KCND3: variants seen among roughly 807,000 people sequenced by gnomAD.
KCND3 encodes the protein potassium voltage-gated channel subfamily D member 3, also known as A-type voltage-gated potassium channel KCND3.
Under a neutral mutation model 51.1 loss-of-function variants are expected in KCND3, and 9 were observed. That is an observed-to-expected ratio of 0.18 (90% CI 0.11 to 0.31). The LOEUF (loss-of-function observed/expected upper bound fraction) is 0.31, where lower values mean the gene tolerates loss of function less well. Ranked by LOEUF, KCND3 falls within the 10% of genes least tolerant of loss-of-function variation. The pLI, the probability that KCND3 is intolerant of heterozygous loss-of-function variation, is 1.00. For missense variants in KCND3, 526 were observed against 903.8 expected (o/e 0.58, Z 5.36); for synonymous variants, 349 against 368.0 (o/e 0.95, Z 0.59).
chr1:111,953,810 C>T (rs1673179912), intron 2 of KCND3, among the ~76,000 whole-genome samples: 1 of 152,234 alleles, frequency 6.6e-6, no homozygotes, highest in Non-Finnish European at 1.5e-5. Context: ...GCTCTCCTCT[C>T]CCTGCCTGCC....
Position 111,866,881 on chromosome 1 carries a change from A to G in KCND3, c.1107-79775T>C, listed in dbSNP as rs188351372. 1.8e-3 allele frequency among the ~76,000 whole-genome samples: 270 copies of G among 152,320 alleles called. 4 individuals carry two copies. Among genetic ancestry groups the G allele is most frequent in the Admixed American group, 2.4e-3 (36 of 15,306 alleles). On this transcript the variant is annotated intron_variant, in intron 2 of 7. Transcript: ENST00000302127. ...CTAGAGGGATATTCTACAACTAATC[A>G]CCAGTGCCAGCACCATTGGATTAAA... is the stretch of plus-strand genomic sequence containing the variant.
intron 2 of KCND3, among the ~76,000 whole-genome samples, chr1:111,907,816 A>G (rs1312363861): frequency 1.3e-5 from 2 of 152,244 alleles, no homozygotes; most frequent in African/African-American, 4.8e-5. Context: ...ACTCTGTGCT[A>G]GGAAGCAGAG....
chr1:111,933,806 C>T (rs1672087619), intron 2 of KCND3, among the ~76,000 whole-genome samples: 1 of 152,196 alleles, frequency 6.6e-6, no homozygotes, highest in Non-Finnish European at 1.5e-5. Flanking sequence ...ACTGTCTGTA[C>T]TTAATCAATT....
At chr1:111,793,143 G>A (rs1186260230) in intron 2 of KCND3, among the ~76,000 whole-genome samples, 1 of 150,642 alleles carries the variant, frequency 6.6e-6, no homozygotes, top group Non-Finnish European at 1.5e-5. Context: ...GGGATTGCAG[G>A]TGTGAGCAAT....
intron 2 of KCND3, among the ~76,000 whole-genome samples, chr1:111,949,152 C>T (rs535897023): frequency 6.6e-6 from 1 of 152,256 alleles, no homozygotes; most frequent in Non-Finnish European, 1.5e-5. Flanking sequence ...AAATAAAATG[C>T]TTTTGTCTGG....
rs375855377 is a variant in KCND3, at chr1:111,829,314, T to C, written c.1107-42208A>G. On this transcript the variant is annotated intron_variant, in intron 2 of 7. Transcript: ENST00000302127. The stretch of plus-strand genomic sequence containing the variant: ...TTTCTGATGAGAGTGGTAGGGACAA[T>C]TCAAATGGGCCTTCCAGACAGAAGA... Among the ~76,000 whole-genome samples the C allele has an allele frequency of 4.5e-3, 677 of 151,608 alleles. 6 individuals are homozygous for C. The highest frequency in any genetic ancestry group is 7.9e-3 in the Admixed American group (121 of 15,230).
intron 2 of KCND3, among the ~76,000 whole-genome samples, chr1:111,865,068 C>A (rs1177603403): frequency 2.0e-5 from 3 of 152,170 alleles, no homozygotes; most frequent in African/African-American, 7.2e-5. Context: ...CTGAAAGTGT[C>A]CTTGGCCATG....
chr1:111,865,488 C>A (rs1002532551), intron 2 of KCND3, among the ~76,000 whole-genome samples: 1 of 152,158 alleles, frequency 6.6e-6, no homozygotes, highest in African/African-American at 2.4e-5. Flanking sequence ...ACATGTCCCA[C>A]CAGAATATGG....
intron 2 of KCND3, among the ~76,000 whole-genome samples, chr1:111,890,951 G>A (rs1669793333): frequency 6.6e-6 from 1 of 152,178 alleles, no homozygotes. Flanking sequence ...AGTGTTTCGG[G>A]AGAGTGGTGC....
At chr1:111,790,419 T>C (rs1664777801) in intron 2 of KCND3, among the ~76,000 whole-genome samples, 1 of 152,226 alleles carries the variant, frequency 6.6e-6, no homozygotes, top group Admixed American at 6.5e-5. Flanking sequence ...TGTGTCCCTC[T>C]TTCCCATGAT....
intron 2 of KCND3, among the ~76,000 whole-genome samples, chr1:111,879,501 T>C (rs901203642): frequency 2.6e-5 from 4 of 152,200 alleles, no homozygotes; most frequent in African/African-American, 9.7e-5. Context: ...GAAATTAAAG[T>C]CCATGCTCAG....
At chr1:111,983,670 C>G (rs1361454507) in intron 1 of KCND3, among the ~76,000 whole-genome samples, 1 of 152,158 alleles carries the variant, frequency 6.6e-6, no homozygotes, top group Non-Finnish European at 1.5e-5. Context: ...TTCCTCTCCT[C>G]CCATCTCCAT....
rs766964016 is a variant in KCND3, at chr1:111,780,311, T to C, written c.1375A>G (p.Thr459Ala). The C allele has an allele frequency of 6.4e-7, 1 of 1,564,902 alleles. No homozygotes were observed. Among genetic ancestry groups the C allele is most frequent in the South Asian group, 1.2e-5 (1 of 84,924 alleles). The change falls in exon 5 of 8, where the codon ACC (threonine) becomes GCC (alanine). Residue 459 changes from threonine (T) to alanine (A), a missense_variant. Physicochemically the swap from Thr to Ala is moderately conservative, Grantham distance 58 (BLOSUM62 0). Transcript: ENST00000302127. The surrounding 1 kb of genome is among the most constrained non-coding windows in gnomAD (Gnocchi z 4.2). ...LLNEALELTG[T>A]PEEEHMGKTT... ...TTGCCCATGTGCTCCTCTTCTGGGG[T>C]GCCCTAGTAAAAAAAGAAGAGAGAT...
intron 2 of KCND3, among the ~76,000 whole-genome samples, chr1:111,790,137 A>G (rs970832100): frequency 6.6e-6 from 1 of 152,234 alleles, no homozygotes; most frequent in Non-Finnish European, 1.5e-5. Flanking sequence ...GGGAGGCAGC[A>G]TGGCCTAATA....
At chr1:111,894,416 C>T (rs879157899) in intron 2 of KCND3, among the ~76,000 whole-genome samples, 2 of 152,194 alleles carry the variant, frequency 1.3e-5, no homozygotes, top group Admixed American at 1.3e-4. Flanking sequence ...TCTCTCCCAC[C>T]CTACCCTGTT....
chr1:111,897,112 G>A (rs1308328439), intron 2 of KCND3, among the ~76,000 whole-genome samples: 1 of 152,240 alleles, frequency 6.6e-6, no homozygotes, highest in Non-Finnish European at 1.5e-5. Context: ...GGGCAAGTTG[G>A]GGAACGGACA....
chr1:111,795,223 T>C (rs1665004937), intron 2 of KCND3, among the ~76,000 whole-genome samples: 1 of 152,184 alleles, frequency 6.6e-6, no homozygotes, highest in Non-Finnish European at 1.5e-5. Context: ...CTCGTGTCTC[T>C]GCAGCTGGGC....
chr1:111,962,390 C>T (rs1673707173), intron 2 of KCND3, among the ~76,000 whole-genome samples: 1 of 152,208 alleles, frequency 6.6e-6, no homozygotes, highest in Non-Finnish European at 1.5e-5. Flanking sequence ...TAGGAATGAA[C>T]ACGTCTGTGG....
At chr1:111,816,187 A>G (rs1666082485) in intron 2 of KCND3, among the ~76,000 whole-genome samples, 2 of 152,270 alleles carry the variant, frequency 1.3e-5, no homozygotes, top group South Asian at 4.2e-4. Flanking sequence ...CAGGAGGCAA[A>G]CCCCTACCAC....
Sources: allele counts gnomAD v4.1 joint callset (sites outside exome capture counted in the v4.1 genomes callset), GRCh38; gene constraint gnomAD v4.1.1; non-coding constraint Gnocchi (gnomAD v3.1); transcripts MANE v1.5; gene names NCBI Gene and HGNC (gene_info 2026-07-23, HGNC 2026-07-21).